The following CELF2 variants were observed in gnomAD, a reference collection of about 807,000 sequenced individuals.
CELF2 encodes the protein CUG triplet repeat RNA-binding protein 2.
In CELF2, 8 loss-of-function variants were observed where a neutral mutation model predicts 62.6. The observed-to-expected ratio is 0.13, with a 90% confidence interval of 0.07 to 0.23. CELF2 has a LOEUF of 0.23. Ranked by LOEUF, CELF2 falls within the 10% of genes least tolerant of loss-of-function variation. The pLI is 1.00. For synonymous variants in CELF2, 258 were observed against 250.0 expected, an observed-to-expected ratio of 1.03 and a Z score of -0.30; for missense variants, 333 against 671.0, an observed-to-expected ratio of 0.50 and a Z score of 5.56.
intron 1 of CELF2, among the ~76,000 whole-genome samples, chr10:11,089,833 T>C (rs935244764): frequency 1.3e-5 from 2 of 152,158 alleles, no homozygotes; most frequent in Non-Finnish European, 2.9e-5. Flanking sequence ...ATGGAATACT[T>C]CGTTGCCATA....
intron 2 of CELF2, among the ~76,000 whole-genome samples, chr10:11,190,390 A>G (rs544585413): frequency 2.0e-4 from 31 of 152,240 alleles, no homozygotes; most frequent in Admixed American, 5.2e-4. Flanking sequence ...ATGTTTCAGC[A>G]CTACTCCCTA....
chr10:11,051,085 G>A (rs1380212763), intron 1 of CELF2, among the ~76,000 whole-genome samples: 2 of 152,214 alleles, frequency 1.3e-5, no homozygotes, highest in Non-Finnish European at 2.9e-5. Flanking sequence ...TTGCCTTCTT[G>A]AAAGCATGGG....
chr10:10,978,040 T>G (rs967507365), intron 2 of CELF2, among the ~76,000 whole-genome samples: 39 of 147,912 alleles, frequency 2.6e-4, no homozygotes, highest in East Asian at 2.2e-3. Context: ...TTTTGTTTTT[T>G]GTTTTTTTTT....
chr10:11,201,922 A>T (rs997011260), intron 2 of CELF2, among the ~76,000 whole-genome samples: 2 of 151,242 alleles, frequency 1.3e-5, no homozygotes, highest in African/African-American at 4.9e-5. Flanking sequence ...TCTGCTGAGA[A>T]TCCTGTGTTG....
Position 10,880,869 on chromosome 10 carries a change from A to G in CELF2, c.54-39095A>G, listed in dbSNP as rs543514835. On this transcript the variant is annotated intron_variant, in intron 1 of 13. Coordinates refer to the CELF2 transcript ENST00000636488. ...CTTATTTTCTGCTTTTATTTTTTCC[A>G]GTGATGAGGAAGGTATATTTCTGGA... Among the ~76,000 whole-genome samples, 4 of 152,230 alleles carry G rather than the reference A, an allele frequency of 2.6e-5. No individual in the cohort carries two copies. In the South Asian group the frequency reaches 8.3e-4, roughly 32 times the overall value.
intron 1 of CELF2, among the ~76,000 whole-genome samples, chr10:11,154,454 A>G (rs867436459): frequency 1.3e-5 from 2 of 152,270 alleles, no homozygotes; most frequent in Non-Finnish European, 2.9e-5. Flanking sequence ...TTGTAGCATG[A>G]CAGACCAGCA....
intron 1 of CELF2, among the ~76,000 whole-genome samples, chr10:10,821,436 C>T (rs529522489): frequency 6.6e-6 from 1 of 152,320 alleles, no homozygotes; most frequent in South Asian, 2.1e-4. Flanking sequence ...GGGTCATTGC[C>T]TCTCCCTGCC....
the CELF2 span, among the ~76,000 whole-genome samples, chr10:10,488,215 T>C: frequency 6.6e-6 from 1 of 152,166 alleles, no homozygotes; most frequent in Non-Finnish European, 1.5e-5. Flanking sequence ...AATGGAGTAG[T>C]AATCCCAATC....
rs2061937202 is a variant in CELF2, at chr10:11,211,843, T to C, written c.272-5582T>C. Among the ~76,000 whole-genome samples, 1 of 151,438 alleles carries C rather than the reference T, an allele frequency of 6.6e-6. No homozygotes were observed. The highest frequency in any genetic ancestry group is 2.4e-5 in the African/African-American group (1 of 40,998). ...GTGTGTGTGTGTGTGTGTGTGTGTG[T>C]GTGTGTGTGTGTAACTACCATTGGC... On this transcript the variant is annotated intron_variant, in intron 2 of 12. Coordinates refer to ENST00000633077, the MANE Select transcript of CELF2 (RefSeq NM_001326342.2). The surrounding 1 kb of genome is among the most constrained non-coding windows in gnomAD (Gnocchi z 4.8).
At chr10:11,185,181 T>C (rs2074520817) in intron 2 of CELF2, among the ~76,000 whole-genome samples, 1 of 152,164 alleles carries the variant, frequency 6.6e-6, no homozygotes, top group African/African-American at 2.4e-5. Flanking sequence ...ATTGTTTTTG[T>C]GTGTTTTTTT....
chr10:10,797,151 T>C (rs1006329111), upstream of CELF2, among the ~76,000 whole-genome samples: 9 of 152,160 alleles, frequency 5.9e-5, no homozygotes, highest in African/African-American at 2.2e-4. Flanking sequence ...TTCCAAAACC[T>C]GTGGGAGCAT....
intron 2 of CELF2, among the ~76,000 whole-genome samples, chr10:10,994,211 G>A (rs761605523): frequency 1.3e-5 from 2 of 152,130 alleles, no homozygotes; most frequent in African/African-American, 4.8e-5. Flanking sequence ...TTTGCAGAGT[G>A]TCTGTTTCTT....
chr10:11,284,390 A>T, intron 8 of CELF2, among the ~76,000 whole-genome samples: 1 of 129,598 alleles, frequency 7.7e-6, no homozygotes. Flanking sequence ...TGGATGACGG[A>T]GGGGTGGGTG....
intron 1 of CELF2, among the ~76,000 whole-genome samples, chr10:11,149,285 G>A (rs558751171): frequency 3.3e-5 from 5 of 152,264 alleles, no homozygotes; most frequent in South Asian, 4.1e-4. Context: ...TGGCCAGACC[G>A]GTCTTGAATT....
At chr10:11,172,117 A>G in intron 2 of CELF2, among the ~76,000 whole-genome samples, 1 of 152,206 alleles carries the variant, frequency 6.6e-6, no homozygotes, top group East Asian at 1.9e-4. Context: ...TCTGTCCTAC[A>G]TTTCTTGAAA....
In CELF2 at chr10:11,267,744, T is replaced by C. The variant is rs2082563929; in HGVS notation, c.618+1067T>C. On this transcript the variant is annotated intron_variant, in intron 6 of 12. Coordinates refer to ENST00000633077, the MANE Select transcript of CELF2 (RefSeq NM_001326342.2). The surrounding 1 kb of genome is among the most constrained non-coding windows in gnomAD (Gnocchi z 4.4). ...CTCCCAAAGCATGCTGGGAGCTAAGTGATCATTATGCGTCATGTTTTGTGG... is the reference window on the plus strand; with the variant it reads ...CTCCCAAAGCATGCTGGGAGCTAAGCGATCATTATGCGTCATGTTTTGTGG... Among the ~76,000 whole-genome samples, 1 of 152,184 alleles carries C rather than the reference T, an allele frequency of 6.6e-6. No homozygotes were observed. The highest frequency in any genetic ancestry group is 6.5e-5 in the Admixed American group (1 of 15,280).
chr10:10,528,156 G>GT, the CELF2 span, among the ~76,000 whole-genome samples: 5,655 of 109,948 alleles, frequency 0.051, 336 homozygotes, highest in African/African-American at 0.15. Context: ...ATAGATTCCT[G>GT]TTTTGTGTGT....
intron 1 of CELF2, chr10:10,846,197 G>A (rs930550348): frequency 3.9e-6 from 3 of 776,094 alleles, no homozygotes; most frequent in Middle Eastern, 6.7e-4. Flanking sequence ...CTAAGACTTG[G>A]CATTTTTGTG....
the CELF2 span, among the ~76,000 whole-genome samples, chr10:10,709,244 G>C: frequency 6.6e-5 from 10 of 152,198 alleles, no homozygotes; most frequent in African/African-American, 2.4e-4. Flanking sequence ...CCTGATATGA[G>C]AGCAAAATGC....
Sources: allele counts gnomAD v4.1 joint callset (sites outside exome capture counted in the v4.1 genomes callset), GRCh38; gene constraint gnomAD v4.1.1; non-coding constraint Gnocchi (gnomAD v3.1); transcripts MANE v1.5; gene names NCBI Gene and HGNC (gene_info 2026-07-23, HGNC 2026-07-21).